Variants in BICD1 observed in about 807,000 individuals in gnomAD.
BICD1 encodes the protein protein bicaudal D homolog 1.
A neutral mutation model predicts 92.5 loss-of-function variants in BICD1; 35 were observed. The observed-to-expected ratio is 0.38, with a 90% confidence interval of 0.29 to 0.50. BICD1 has a LOEUF of 0.50. Ranked by LOEUF, BICD1 falls within the 20% of genes least tolerant of loss-of-function variation. The pLI, the probability that BICD1 is intolerant of heterozygous loss-of-function variation, is 0.93. For synonymous variants in BICD1, 429 were observed against 465.1 expected (o/e 0.92, Z 1.00); for missense variants, 950 against 1,189.8 (o/e 0.80, Z 2.97).
intron 8 of BICD1, among the ~76,000 whole-genome samples, chr12:32,342,327 T>C (rs2136288445): frequency 6.7e-6 from 1 of 150,202 alleles, no homozygotes; most frequent in East Asian, 2.0e-4. Flanking sequence ...CAACCTTGGC[T>C]CACTGCAAGC....
chr12:32,261,444 T>C (rs1946857368), intron 2 of BICD1, among the ~76,000 whole-genome samples: 1 of 152,164 alleles, frequency 6.6e-6, no homozygotes, highest in Admixed American at 6.5e-5. Flanking sequence ...GCATATAGAA[T>C]GGATGTCTGC....
chr12:32,169,992 G>A (rs1210358846), intron 1 of BICD1, among the ~76,000 whole-genome samples: 1 of 152,230 alleles, frequency 6.6e-6, no homozygotes, highest in Non-Finnish European at 1.5e-5. Context: ...ACACTGTAGA[G>A]GCGAGAATGT....
At chr12:32,263,043 G>A (rs1254968626) in intron 2 of BICD1, among the ~76,000 whole-genome samples, 1 of 151,652 alleles carries the variant, frequency 6.6e-6, no homozygotes, top group African/African-American at 2.4e-5. Flanking sequence ...ACTTCGGAGA[G>A]AGGATCACCT....
intron 1 of BICD1, among the ~76,000 whole-genome samples, chr12:32,159,547 T>C (rs1943539910): frequency 6.6e-6 from 1 of 152,178 alleles, no homozygotes. Flanking sequence ...ACTACTATCC[T>C]TTGTCTATTA....
At chr12:32,346,657 T>TATAC (rs765654340) in intron 8 of BICD1, among the ~76,000 whole-genome samples, 953 of 14,764 alleles carry the variant, frequency 0.065, 287 homozygotes, top group Non-Finnish European at 0.099. Flanking sequence ...TATATATATA[T>TATAC]ACACACACAC....
intron 1 of BICD1, among the ~76,000 whole-genome samples, chr12:32,170,926 A>G (rs746576809): frequency 6.6e-6 from 1 of 152,206 alleles, no homozygotes; most frequent in Non-Finnish European, 1.5e-5. Flanking sequence ...TGATCTAGCC[A>G]ATCCTGTCAT....
intron 1 of BICD1, among the ~76,000 whole-genome samples, chr12:32,186,164 T>C (rs1944418861): frequency 6.6e-6 from 1 of 152,220 alleles, no homozygotes; most frequent in Non-Finnish European, 1.5e-5. Context: ...ATTCTGTGGC[T>C]CTTCGTTACT....
chr12:32,132,628 A>C (rs546011913), intron 1 of BICD1, among the ~76,000 whole-genome samples: 8 of 152,242 alleles, frequency 5.3e-5, no homozygotes, highest in African/African-American at 1.7e-4. Flanking sequence ...CCCCAACGCC[A>C]AGGGGGCAGT....
Position 32,216,239 on chromosome 12 carries a change from C to G in BICD1, c.214-8C>G. 2.5e-6 allele frequency: 4 copies of G among 1,612,480 alleles called. No individual in the cohort carries two copies. Among genetic ancestry groups the G allele is most frequent in the Non-Finnish European group, 3.4e-6 (4 of 1,179,488 alleles). Reference sequence around the variant, plus strand: ...TGTGTACTCTTTTTCTTCCCATATACTCTGCAGGCATTTGGGCAGTCCTTC... The same window carrying G: ...TGTGTACTCTTTTTCTTCCCATATAGTCTGCAGGCATTTGGGCAGTCCTTC... On this transcript the variant is annotated splice_polypyrimidine_tract_variant and splice_region_variant and intron_variant, in intron 1 of 9. Transcript: ENST00000652176.
At chr12:32,261,396 C>T (rs555271599) in intron 2 of BICD1, among the ~76,000 whole-genome samples, 1 of 152,320 alleles carries the variant, frequency 6.6e-6, no homozygotes, top group East Asian at 1.9e-4. Flanking sequence ...ATGTGCCCTT[C>T]TGCTCAGGTC....
chr12:32,115,937 C>G (rs1231573448), intron 1 of BICD1, among the ~76,000 whole-genome samples: 1 of 152,080 alleles, frequency 6.6e-6, no homozygotes, highest in Non-Finnish European at 1.5e-5. Flanking sequence ...ATTACGTTAT[C>G]CCTTCTTTGC....
Position 32,382,477 on chromosome 12 carries a change from A to G in BICD1, c.*4850A>G, listed in dbSNP as rs573522447. ...TCTCTGTGATCTTCTGTCCATTAGGAAAGTAAGGAGATTGTTATCTATATC... is the reference window on the plus strand; with the variant it reads ...TCTCTGTGATCTTCTGTCCATTAGGGAAGTAAGGAGATTGTTATCTATATC... On this transcript the variant is annotated 3_prime_UTR_variant, in exon 10 of 10. Transcript: ENST00000652176. 6.6e-6 allele frequency: 1 copy of G among 152,228 alleles called. No individual in the cohort carries two copies. Among genetic ancestry groups the G allele is most frequent in the African/African-American group, 2.4e-5 (1 of 41,572 alleles). The allele number at this position is 152,228 out of a possible 1,614,324, so 9.4% of individuals were successfully genotyped here. A position where few individuals can be genotyped will look rare whatever the true frequency, so the allele number is the denominator to read the frequency against.
intron 2 of BICD1, among the ~76,000 whole-genome samples, chr12:32,263,969 G>A (rs1233536268): frequency 6.6e-6 from 1 of 152,128 alleles, no homozygotes; most frequent in East Asian, 1.9e-4. Flanking sequence ...TGCAAGTAGA[G>A]TAGTTCATTT....
intron 3 of BICD1, among the ~76,000 whole-genome samples, chr12:32,305,165 C>T (rs1304477454): frequency 6.6e-6 from 1 of 152,150 alleles, no homozygotes; most frequent in East Asian, 1.9e-4. Context: ...TACTCTCAAA[C>T]ATTTTACTGA....
intron 8 of BICD1, among the ~76,000 whole-genome samples, chr12:32,346,045 A>T (rs1243639991): frequency 6.6e-6 from 1 of 152,146 alleles, no homozygotes; most frequent in Admixed American, 6.5e-5. Context: ...GCTACTCAGG[A>T]GGCTGAGATG....
intron 1 of BICD1, among the ~76,000 whole-genome samples, chr12:32,195,792 T>TA (rs1404032539): frequency 2.0e-5 from 3 of 151,930 alleles, no homozygotes; most frequent in African/African-American, 2.4e-5. Flanking sequence ...TATGTTAAAC[T>TA]AAAAAAACTT....
At chr12:32,179,961 G>A (rs1944224451) in intron 1 of BICD1, among the ~76,000 whole-genome samples, 1 of 138,148 alleles carries the variant, frequency 7.2e-6, no homozygotes. Flanking sequence ...CTGCACTCCA[G>A]CCTGGGCAAC....
At chr12:32,209,864 A>C (rs1945163394) in intron 1 of BICD1, among the ~76,000 whole-genome samples, 1 of 152,188 alleles carries the variant, frequency 6.6e-6, no homozygotes. Context: ...CATAGTAGTC[A>C]CTAGCCATAT....
At chr12:32,227,102 C>T (rs79568625) in intron 2 of BICD1, among the ~76,000 whole-genome samples, 2,535 of 152,208 alleles carry the variant, frequency 0.017, 65 homozygotes, top group African/African-American at 0.055. Flanking sequence ...GAGCCTCCTC[C>T]ATGTAAAGCT....
Sources: allele counts gnomAD v4.1 joint callset (sites outside exome capture counted in the v4.1 genomes callset), GRCh38; gene constraint gnomAD v4.1.1; transcripts MANE v1.5; gene names NCBI Gene and HGNC (gene_info 2026-07-23, HGNC 2026-07-21).